The following CGAS variants were observed in gnomAD, a reference collection of about 807,000 sequenced individuals.
CGAS encodes the protein cyclic GMP-AMP synthase, also known as 2'3'-cGAMP synthase.
CGAS carries 31 observed loss-of-function variants against 34.0 expected under a neutral mutation model. The observed-to-expected ratio is 0.91, with a 90% CI of 0.69 to 1.23. The LOEUF (loss-of-function observed/expected upper bound fraction) is 1.23. Among genes scored for constraint, CGAS ranks in the 50% most tolerant of loss-of-function variants. The pLI is 0.00. For missense variants in CGAS, 597 were observed against 657.6 expected (o/e 0.91, Z 1.01); for synonymous variants, 266 against 260.0 (o/e 1.02, Z -0.22).
rs772276292 is a variant in CGAS at position 73,451,731 on chromosome 6, G to C, written c.451C>G (p.Pro151Ala). Residue 151 changes from proline to alanine, a missense_variant, in exon 1 of 5, where the codon CCC (proline) becomes GCC (alanine). This residue lies in a region of CGAS where 321 missense variants were observed against 314.3 expected (regional missense o/e 1.02). Coordinates refer to ENST00000370315, the MANE Select transcript of CGAS (RefSeq NM_138441.3). ...VPSPGLPVSAPILVRRDAAPG... is the reference protein window; with the variant it reads ...VPSPGLPVSAAILVRRDAAPG... ...GCCGCATCCCTCCGTACGAGAATGG[G>C]GGCCGAGACCGGCAGGCCGGGGCTG... is the stretch of plus-strand genomic sequence containing the variant. 26 of 1,612,890 alleles carry C rather than the reference G, an allele frequency of 1.6e-5. No homozygotes were observed. Among genetic ancestry groups the C allele is most frequent in the Non-Finnish European group, 2.1e-5 (25 of 1,179,762 alleles).
chr6:73,427,557 C>G (rs1770110011), intron 4 of CGAS, among the ~76,000 whole-genome samples: 1 of 152,168 alleles, frequency 6.6e-6, no homozygotes, highest in Non-Finnish European at 1.5e-5. Flanking sequence ...GCCCTGGCCT[C>G]CCAAAGTGCT....
intron 3 of CGAS, among the ~76,000 whole-genome samples, chr6:73,435,431 A>G (rs890099940): frequency 1.3e-5 from 2 of 152,322 alleles, no homozygotes; most frequent in African/African-American, 2.4e-5. Flanking sequence ...AATGATGCCT[A>G]TGGAGATCTG....
At chr6:73,437,895 C>G (rs1387305622) in intron 3 of CGAS, among the ~76,000 whole-genome samples, 1 of 151,806 alleles carries the variant, frequency 6.6e-6, no homozygotes, top group Non-Finnish European at 1.5e-5. Flanking sequence ...TGGTGAAACC[C>G]AGTCTCTACT....
chr6:73,427,295 T>C (rs901944381), intron 4 of CGAS, among the ~76,000 whole-genome samples: 1 of 150,216 alleles, frequency 6.7e-6, no homozygotes, highest in Non-Finnish European at 1.5e-5. Flanking sequence ...TATTTATTTA[T>C]TTATTTATTT....
intron 4 of CGAS, among the ~76,000 whole-genome samples, chr6:73,425,804 G>A (rs930955097): frequency 6.6e-6 from 1 of 151,444 alleles, no homozygotes; most frequent in Non-Finnish European, 1.5e-5. Flanking sequence ...GTGAAACCCC[G>A]TCTCTACTAA....
chr6:73,441,666 T>A (rs1373230002), intron 2 of CGAS, among the ~76,000 whole-genome samples: 4 of 152,174 alleles, frequency 2.6e-5, no homozygotes, highest in Non-Finnish European at 4.4e-5. Flanking sequence ...AGATGGCTGC[T>A]GGGTGGGTGG....
At chr6:73,443,973 A>T (rs996051406) in intron 2 of CGAS, among the ~76,000 whole-genome samples, 11 of 152,078 alleles carry the variant, frequency 7.2e-5, no homozygotes, top group Admixed American at 3.3e-4. Flanking sequence ...TGACTTGTAG[A>T]CCCTGAAAAG....
At chr6:73,434,881 CAG>C (rs1341802820) in intron 3 of CGAS, among the ~76,000 whole-genome samples, 1 of 152,108 alleles carries the variant, frequency 6.6e-6, no homozygotes, top group African/African-American at 2.4e-5. Flanking sequence ...CTCTTGATTT[CAG>C]GTGATCTGCC....
chr6:73,440,831 G>A (rs952593124), intron 2 of CGAS, among the ~76,000 whole-genome samples: 2 of 151,960 alleles, frequency 1.3e-5, no homozygotes, highest in African/African-American at 4.8e-5. Flanking sequence ...GAACCCAGGA[G>A]GCGGAGGTTG....
In CGAS at chr6:73,424,148, A is replaced by G. The variant is rs1188307802; in HGVS notation, c.*1079T>C. 6.6e-6 allele frequency: 1 copy of G among 152,190 alleles called. No homozygotes were observed. The highest frequency in any genetic ancestry group is 6.6e-5 in the Admixed American group (1 of 15,264). The allele number at this position is 152,190 out of a possible 1,614,324, so 9.4% of individuals were successfully genotyped here. ...CTTATGTTTTCTTTTAAGATTATGT[A>G]TTTCAGCCAGGCGTGGTGGCTCACA... On this transcript the variant is annotated 3_prime_UTR_variant, in exon 5 of 5. Coordinates refer to ENST00000370315, the MANE Select transcript of CGAS (RefSeq NM_138441.3).
In CGAS at chr6:73,425,343, T is replaced by A. The variant is rs895735379; in HGVS notation, c.1453A>T (p.Ile485Phe). 6.2e-7 allele frequency: 1 copy of A among 1,611,198 alleles called. No homozygotes were observed. The highest frequency in any genetic ancestry group is 1.3e-5 in the African/African-American group (1 of 74,644). The change falls in exon 5 of 5, where the codon ATT becomes TTT. Residue 485 changes from isoleucine (I) to phenylalanine (F), a missense_variant. This residue lies in a region of CGAS where 271 missense variants were observed against 324.1 expected (regional missense o/e 0.84). Coordinates refer to ENST00000370315, the MANE Select transcript of CGAS (RefSeq NM_138441.3). ...LRTEKLENYF[I>F]PEFNLFSSNL... ...CTAGAGAATAGATTGAATTCAGGAA[T>A]AAAATAATTCTCAAGTTTTTCTGTC...
At chr6:73,440,093 G>T in intron 3 of CGAS, 116 bp downstream of exon 3, 2 of 898,734 alleles carry the variant, frequency 2.2e-6, no homozygotes, top group Non-Finnish European at 3.3e-6. Flanking sequence ...AACCTATTTT[G>T]CCTGATGGCT....
intron 3 of CGAS, among the ~76,000 whole-genome samples, chr6:73,429,656 C>A (rs1202257375): frequency 1.0e-5 from 1 of 99,022 alleles, no homozygotes; most frequent in Non-Finnish European, 2.8e-5. Context: ...GAAACCCTGC[C>A]TCTACCAAAA....
Position 73,451,761 on chromosome 6 carries a change from C to A in CGAS, c.421G>T (p.Val141Leu). The A allele has an allele frequency of 6.2e-7, 1 of 1,606,256 alleles. No homozygotes were observed. The highest frequency in any genetic ancestry group is 8.5e-7 in the Non-Finnish European group (1 of 1,176,910). Residue 141 changes from valine to leucine, a missense_variant, in exon 1 of 5, where the codon GTG becomes TTG. By Grantham distance (32) the Val-to-Leu change is conservative. This residue lies in a region of CGAS where 321 missense variants were observed against 314.3 expected (regional missense o/e 1.02). Coordinates refer to ENST00000370315, the MANE Select transcript of CGAS (RefSeq NM_138441.3). ...GAGACCGGCAGGCCGGGGCTGGGCACGTCCCAGGGCCCGGGCGGAGGTCTT... is the reference window on the plus strand; with the variant it reads ...GAGACCGGCAGGCCGGGGCTGGGCAAGTCCCAGGGCCCGGGCGGAGGTCTT... The part of the protein sequence containing the change: ...KPRPPPGPWD[V>L]PSPGLPVSAP...
chr6:73,428,370 T>A (rs1770125945), intron 4 of CGAS, among the ~76,000 whole-genome samples: 1 of 152,072 alleles, frequency 6.6e-6, no homozygotes, highest in Admixed American at 6.6e-5. Context: ...TTAATATCCA[T>A]TACTTTTAAA....
chr6:73,438,816 A>G (rs1331656981), intron 3 of CGAS, among the ~76,000 whole-genome samples: 1 of 152,060 alleles, frequency 6.6e-6, no homozygotes, highest in Non-Finnish European at 1.5e-5. Flanking sequence ...GGTCAGCAAG[A>G]GATGGTATGG....
chr6:73,447,043 G>A (rs1292874422), intron 1 of CGAS, among the ~76,000 whole-genome samples: 2 of 152,166 alleles, frequency 1.3e-5, no homozygotes, highest in South Asian at 2.1e-4. Flanking sequence ...GCGACAGTGC[G>A]AGACTCCGTC....
At chr6:73,433,346 C>T (rs897804961) in intron 3 of CGAS, among the ~76,000 whole-genome samples, 2 of 151,528 alleles carry the variant, frequency 1.3e-5, no homozygotes, top group Non-Finnish European at 2.9e-5. Flanking sequence ...ACTGTAACCT[C>T]GAACTCCTGA....
chr6:73,449,495 A>ACACACACC (rs1395495016), intron 1 of CGAS, among the ~76,000 whole-genome samples: 3 of 151,304 alleles, frequency 2.0e-5, no homozygotes, highest in Non-Finnish European at 4.4e-5. Flanking sequence ...ACACACACAC[A>ACACACACC]CACACACACA....
Sources: allele counts gnomAD v4.1 joint callset (sites outside exome capture counted in the v4.1 genomes callset), GRCh38; gene constraint gnomAD v4.1.1; regional missense constraint gnomAD v4.1.1; transcripts MANE v1.5; gene names NCBI Gene and HGNC (gene_info 2026-07-23, HGNC 2026-07-21).